The following ARMC9 variants were observed in gnomAD, a reference collection of about 807,000 sequenced individuals.
The protein encoded by ARMC9 is armadillo repeat containing 9, also known as lisH domain-containing protein ARMC9.
A neutral mutation model predicts 107.0 loss-of-function variants in ARMC9; 94 were observed. That is an observed-to-expected ratio of 0.88 (90% CI 0.74 to 1.04). The LOEUF (loss-of-function observed/expected upper bound fraction) is 1.04. ARMC9 is among the 50% of genes least tolerant of loss of function. The pLI is 0.00. For missense variants in ARMC9, 942 were observed against 1,030.1 expected, an observed-to-expected ratio of 0.91 and a Z score of 1.17; for synonymous variants, 380 against 396.9, an observed-to-expected ratio of 0.96 and a Z score of 0.51.
rs572486121 is a variant in ARMC9, at chr2:231,269,881, C to G, written c.1120-1101C>G. Among the ~76,000 whole-genome samples, 15 of 148,830 alleles carry G rather than the reference C, an allele frequency of 1.0e-4. 1 individual carries two copies. The highest frequency in any genetic ancestry group is 1.5e-4 in the African/African-American group (6 of 40,052). On this transcript the variant is annotated intron_variant, in intron 12 of 24. Transcript: ENST00000611582. ...CCAAGCCCCGCCCCCACCCTCCCCC[C>G]CTATTTGTTTTGGCCTCCTGGTAGA... is the stretch of plus-strand genomic sequence containing the variant.
intron 20 of ARMC9, among the ~76,000 whole-genome samples, chr2:231,343,024 CT>C (rs1212167312): frequency 6.6e-6 from 1 of 152,102 alleles, no homozygotes; most frequent in Non-Finnish European, 1.5e-5. Flanking sequence ...AGTGATTCTC[CT>C]GCCTCAGCCT....
chr2:231,199,059 T>G (rs2030268689), intron 1 of ARMC9: 1 of 152,206 alleles, frequency 6.6e-6, no homozygotes, highest in African/African-American at 2.4e-5. Context: ...CCTGATAATC[T>G]CCATCTGCTA....
Position 231,291,341 on chromosome 2 carries a change from C to T in ARMC9, c.1627-12C>T. On this transcript the variant is annotated splice_polypyrimidine_tract_variant and intron_variant, in intron 17 of 24. Transcript: ENST00000611582. ...CTGAAATGTTAACTATTACTTTCGC[C>T]AATACTTCTAGGGAATGGAAGACAT... is the stretch of plus-strand genomic sequence containing the variant. The T allele has an allele frequency of 6.2e-7, 1 of 1,609,098 alleles. No individual in the cohort carries two copies. The highest frequency in any genetic ancestry group is 8.5e-7 in the Non-Finnish European group (1 of 1,176,056).
At chr2:231,252,216 A>AATG (rs2037361258) in intron 9 of ARMC9, among the ~76,000 whole-genome samples, 1 of 152,176 alleles carries the variant, frequency 6.6e-6, no homozygotes, top group Non-Finnish European at 1.5e-5. Flanking sequence ...CAATATCACT[A>AATG]ATTATCAAGT....
At chr2:231,240,543 A>G (rs369973770) in intron 9 of ARMC9, among the ~76,000 whole-genome samples, 71 of 152,348 alleles carry the variant, frequency 4.7e-4, no homozygotes, top group African/African-American at 1.5e-3. Context: ...ACACATATGC[A>G]CAAAATCTGT....
chr2:231,252,063 A>G (rs558108134), intron 9 of ARMC9, among the ~76,000 whole-genome samples: 1 of 152,300 alleles, frequency 6.6e-6, no homozygotes, highest in African/African-American at 2.4e-5. Context: ...AGGGCCAATT[A>G]TTACTGCTTT....
rs192206916 is a variant in ARMC9, at chr2:231,372,433, G to C, written c.*898G>C. 1.3e-5 allele frequency: 2 copies of C among 151,880 alleles called. No individual in the cohort carries two copies. Among genetic ancestry groups the C allele is most frequent in the Admixed American group, 6.5e-5 (1 of 15,290 alleles). 9.4% of individuals were successfully genotyped at this position (151,880 alleles called of 1,614,324 possible). ...TTCAAAGCTCTGCTCTTCTGCACAC[G>C]TTTTTTGAAGGCCTTAAAAAGGCCA... On this transcript the variant is annotated 3_prime_UTR_variant, in exon 25 of 25. Coordinates refer to ENST00000611582, the MANE Select transcript of ARMC9 (RefSeq NM_001352754.2).
intron 6 of ARMC9, among the ~76,000 whole-genome samples, chr2:231,223,624 A>G (rs1001284193): frequency 1.3e-5 from 2 of 152,154 alleles, no homozygotes; most frequent in African/African-American, 4.8e-5. Context: ...GCTGCGTAAT[A>G]CCTTCTGCTT....
intron 19 of ARMC9, among the ~76,000 whole-genome samples, chr2:231,314,605 C>T (rs1400807592): frequency 6.6e-6 from 1 of 152,218 alleles, no homozygotes; most frequent in Non-Finnish European, 1.5e-5. Flanking sequence ...CATCCATGGC[C>T]TCTGCCCATT....
intron 11 of ARMC9, among the ~76,000 whole-genome samples, chr2:231,261,364 T>C (rs944740437): frequency 9.2e-5 from 14 of 152,256 alleles, no homozygotes; most frequent in East Asian, 5.8e-4. Flanking sequence ...GACAGACTTA[T>C]GGCTTTCTAA....
chr2:231,299,018 T>C (rs1003505659), intron 19 of ARMC9, among the ~76,000 whole-genome samples: 1 of 152,144 alleles, frequency 6.6e-6, no homozygotes, highest in African/African-American at 2.4e-5. Context: ...CTGAAATCTG[T>C]GCGCTCACAA....
At chr2:231,264,533 A>G (rs1392189616) in intron 12 of ARMC9, among the ~76,000 whole-genome samples, 1 of 132,398 alleles carries the variant, frequency 7.6e-6, no homozygotes, top group Non-Finnish European at 1.6e-5. Flanking sequence ...GTTTCACTCT[A>G]GTCGCCCAGG....
intron 14 of ARMC9, among the ~76,000 whole-genome samples, chr2:231,276,013 G>C (rs1378438365): frequency 6.6e-6 from 1 of 152,054 alleles, no homozygotes; most frequent in Non-Finnish European, 1.5e-5. Flanking sequence ...CTGTTTCCTG[G>C]GTTAAGTAAA....
At chr2:231,363,204 A>C (rs2045663912) in intron 23 of ARMC9, among the ~76,000 whole-genome samples, 1 of 152,232 alleles carries the variant, frequency 6.6e-6, no homozygotes, top group African/African-American at 2.4e-5. Flanking sequence ...CTAGGTGGTT[A>C]GAGTACTTGT....
Position 231,254,638 on chromosome 2 carries a change from G to A in ARMC9, c.880-1948G>A, listed in dbSNP as rs544171440. ...GTTCAAGACCAGTCTGGGCAATATA[G>A]TGAGACCCTATCTATAAAAAAAAAA... is the stretch of plus-strand genomic sequence containing the variant. On this transcript the variant is annotated intron_variant, in intron 9 of 24. Transcript: ENST00000611582. Among the ~76,000 whole-genome samples, 126 of 149,552 alleles carry A rather than the reference G, an allele frequency of 8.4e-4. 1 individual carries two copies. Among genetic ancestry groups the A allele is most frequent in the South Asian group, 1.5e-3 (7 of 4,714 alleles).
intron 1 of ARMC9, among the ~76,000 whole-genome samples, chr2:231,205,471 A>G (rs1280078039): frequency 6.6e-6 from 1 of 152,216 alleles, no homozygotes; most frequent in African/African-American, 2.4e-5. Context: ...AGTGAATGGC[A>G]TGGTTAACAT....
At chr2:231,268,628 G>T (rs1259681414) in intron 12 of ARMC9, among the ~76,000 whole-genome samples, 3 of 152,102 alleles carry the variant, frequency 2.0e-5, no homozygotes, top group African/African-American at 7.2e-5. Context: ...AAAGTACACA[G>T]GAAGTAAATT....
intron 3 of ARMC9, among the ~76,000 whole-genome samples, chr2:231,213,532 A>G: frequency 6.7e-6 from 1 of 149,356 alleles, no homozygotes; most frequent in East Asian, 2.0e-4. Context: ...GCTGGAGTGC[A>G]GTGGCGCAAT....
chr2:231,264,459 G>A (rs566262690), intron 12 of ARMC9, among the ~76,000 whole-genome samples: 18 of 149,706 alleles, frequency 1.2e-4, no homozygotes, highest in Non-Finnish European at 1.8e-4. Flanking sequence ...GATTACAGGC[G>A]TGAGCCACTG....
Sources: gnomAD v4.1 joint callset for allele counts (sites outside exome capture counted in the v4.1 genomes callset) on GRCh38, gnomAD v4.1.1 for gene constraint, MANE v1.5 for transcripts, NCBI Gene and HGNC (gene_info 2026-07-23, HGNC 2026-07-21) for gene names.